SYT6: variants seen among roughly 807,000 people sequenced by gnomAD.
The protein encoded by SYT6 is synaptotagmin 6, also known as synaptotagmin-6.
SYT6 carries 24 observed loss-of-function variants against 38.4 expected under a neutral mutation model. The observed-to-expected ratio is 0.62, with a 90% CI of 0.45 to 0.88. The LOEUF (loss-of-function observed/expected upper bound fraction) is 0.88. SYT6 is among the 40% of genes least tolerant of loss of function. The pLI is 0.00. For synonymous variants in SYT6, 265 were observed against 241.9 expected, an observed-to-expected ratio of 1.10 and a Z score of -0.89; for missense variants, 611 against 621.0, an observed-to-expected ratio of 0.98 and a Z score of 0.17.
In SYT6 at chr1:114,109,679, C is replaced by A. The variant is rs183689931; in HGVS notation, c.1072-5958G>T. Among the ~76,000 whole-genome samples the A allele has an allele frequency of 2.6e-5, 4 of 152,256 alleles. No homozygotes were observed. The East Asian group carries it at 7.7e-4, about 29-fold the overall frequency. On this transcript the variant is annotated intron_variant, in intron 3 of 7. Transcript: ENST00000610222. ...TATTACTACTGTTATAAAGAGCTCACGGTCTTGGAACAGGGGCAGGGAAAG... is the reference window on the plus strand; with the variant it reads ...TATTACTACTGTTATAAAGAGCTCAAGGTCTTGGAACAGGGGCAGGGAAAG...
intron 1 of SYT6, among the ~76,000 whole-genome samples, chr1:114,143,811 C>T (rs1032940590): frequency 6.6e-6 from 1 of 151,694 alleles, no homozygotes; most frequent in African/African-American, 2.4e-5. Flanking sequence ...CTCACTCCCC[C>T]ACCCCCAGCC....
intron 1 of SYT6, among the ~76,000 whole-genome samples, chr1:114,151,987 A>G (rs1030985317): frequency 2.0e-5 from 3 of 152,118 alleles, no homozygotes; most frequent in Non-Finnish European, 4.4e-5. Flanking sequence ...AAACATTGCC[A>G]CAACTAGGGA....
At chr1:114,096,679 T>C (rs1347740621) in intron 6 of SYT6, among the ~76,000 whole-genome samples, 1 of 152,206 alleles carries the variant, frequency 6.6e-6, no homozygotes, top group Non-Finnish European at 1.5e-5. Context: ...CTCTGCATCA[T>C]AGAGTGTGGG....
chr1:114,117,188 T>A (rs1446729810), intron 3 of SYT6, among the ~76,000 whole-genome samples: 1 of 152,212 alleles, frequency 6.6e-6, no homozygotes, highest in African/African-American at 2.4e-5. Context: ...CCCTTTCTGA[T>A]GATGGGCAGT....
chr1:114,140,506 C>T (rs577055881), intron 1 of SYT6, among the ~76,000 whole-genome samples: 4 of 152,154 alleles, frequency 2.6e-5, no homozygotes, highest in Non-Finnish European at 4.4e-5. Context: ...CCACTGAGCC[C>T]AAGACAGGAA....
At chr1:114,131,226 T>A (rs951532402) in intron 3 of SYT6, among the ~76,000 whole-genome samples, 1 of 152,116 alleles carries the variant, frequency 6.6e-6, no homozygotes, top group South Asian at 2.1e-4. Context: ...GCCTGGTACA[T>A]AGTAATTACT....
chr1:114,131,113 A>G (rs1678118998), intron 3 of SYT6, among the ~76,000 whole-genome samples: 2 of 152,030 alleles, frequency 1.3e-5, no homozygotes, highest in African/African-American at 4.8e-5. Context: ...CCAGTGAGGG[A>G]CCTGCATGTC....
At chr1:114,131,001 C>G (rs371526250) in intron 3 of SYT6, among the ~76,000 whole-genome samples, 3 of 152,212 alleles carry the variant, frequency 2.0e-5, no homozygotes, top group East Asian at 1.9e-4. Flanking sequence ...GGATCTCATT[C>G]GACTTGAGTG....
chr1:114,122,241 G>A (rs1247396255), intron 3 of SYT6, among the ~76,000 whole-genome samples: 2 of 152,208 alleles, frequency 1.3e-5, no homozygotes, highest in African/African-American at 4.8e-5. Flanking sequence ...ACATGGAAGT[G>A]GTTTGGGTTT....
At chr1:114,098,873 C>G (rs985991478) in intron 5 of SYT6, among the ~76,000 whole-genome samples, 3 of 152,210 alleles carry the variant, frequency 2.0e-5, no homozygotes, top group Non-Finnish European at 4.4e-5. Context: ...AGAGCTGCCC[C>G]TGACGGAGAT....
intron 3 of SYT6, among the ~76,000 whole-genome samples, chr1:114,116,266 C>T (rs1373324326): frequency 1.3e-5 from 2 of 152,170 alleles, no homozygotes; most frequent in African/African-American, 4.8e-5. Flanking sequence ...CAGACACTGC[C>T]TCAGGGGAAG....
At position 114,137,928 on chromosome 1, in the gene SYT6, T is replaced by C; in HGVS notation, c.638A>G (p.Lys213Arg). The C allele has an allele frequency of 3.1e-6, 5 of 1,613,998 alleles. 1 individual carries two copies. Among genetic ancestry groups the C allele is most frequent in the Middle Eastern group, 3.3e-4 (2 of 6,062 alleles). Residue 213 changes from lysine (K) to arginine (R), a missense_variant, in exon 3 of 8, where the codon AAG becomes AGG. Transcript: ENST00000610222. ...ATCCTCCCCATCCACCGACTTCTGC[T>C]TGTAGAGCTCAGGCTTGATGCGGCC... ...SIGRIKPELY[K>R]QKSVDGEDAK...
At chr1:114,100,376 G>A (rs1179866054) in intron 4 of SYT6, among the ~76,000 whole-genome samples, 7 of 152,162 alleles carry the variant, frequency 4.6e-5, no homozygotes, top group Non-Finnish European at 8.8e-5. Flanking sequence ...ATAGGCATAT[G>A]GTTCTATCTC....
At chr1:114,094,917 A>G (rs1320768778) in intron 6 of SYT6, among the ~76,000 whole-genome samples, 1 of 152,280 alleles carries the variant, frequency 6.6e-6, no homozygotes, top group Non-Finnish European at 1.5e-5. Flanking sequence ...CATCGCGTGG[A>G]CACAAGGTGC....
chr1:114,103,623 C>T lies in SYT6; in HGVS notation c.1170G>A (p.Ala390=), dbSNP rs751973392. 5.6e-6 allele frequency: 9 copies of T among 1,614,178 alleles called. No homozygotes were observed. The highest frequency in any genetic ancestry group is 1.6e-4 in the Middle Eastern group (1 of 6,062). Residue 390 remains alanine, a synonymous_variant, in exon 4 of 8, where the codon GCG becomes GCA. Coordinates refer to ENST00000610222, the MANE Select transcript of SYT6 (RefSeq NM_001253772.2). ...LTVIKCRNLK[A]MDITGYSDPY... is the part of the protein sequence containing the mutation. ...TACCTGAATAGCCTGTGATGTCCAT[C>T]GCCTTGAGGTTCCGACACTTAATCA...
intron 3 of SYT6, among the ~76,000 whole-genome samples, chr1:114,118,057 A>T (rs1191355693): frequency 6.6e-6 from 1 of 152,158 alleles, no homozygotes; most frequent in Non-Finnish European, 1.5e-5. Flanking sequence ...CATCCTGACA[A>T]TGCCTCACTG....
intron 3 of SYT6, among the ~76,000 whole-genome samples, chr1:114,110,597 AT>A (rs2101009824): frequency 6.6e-6 from 1 of 152,288 alleles, no homozygotes; most frequent in East Asian, 1.9e-4. Flanking sequence ...TTTGCTTCCT[AT>A]GAAAAGCAGA....
chr1:114,129,616 C>CTTTCTTTCTTTCCTTTCTTT (rs767321115), intron 3 of SYT6, among the ~76,000 whole-genome samples: 1 of 58,910 alleles, frequency 1.7e-5, no homozygotes, highest in African/African-American at 5.4e-5. Context: ...TTCTTTCTTT[C>CTTTCTTTCTTTCCTTTCTTT]CTTTCTTTCT....
chr1:114,151,149 A>G (rs979612630), intron 1 of SYT6, among the ~76,000 whole-genome samples: 1 of 152,042 alleles, frequency 6.6e-6, no homozygotes, highest in Non-Finnish European at 1.5e-5. Context: ...CTGGTCCTGA[A>G]CTCCATGGCA....
Sources: gnomAD v4.1 joint callset for allele counts (sites outside exome capture counted in the v4.1 genomes callset) on GRCh38, gnomAD v4.1.1 for gene constraint, MANE v1.5 for transcripts, NCBI Gene and HGNC (gene_info 2026-07-23, HGNC 2026-07-21) for gene names.